Variants in LPAR5 observed in about 807,000 individuals in gnomAD.
The protein encoded by LPAR5 is G protein-coupled receptor 92.
For missense variants in LPAR5, 544 were observed against 521.8 expected (o/e 1.04, Z -0.41); for synonymous variants, 271 against 261.6 (o/e 1.04, Z -0.35).
chr12:6,621,133 AG>A lies in LPAR5; in HGVS notation c.115del (p.Leu39SerfsTer4), dbSNP rs1204555645. 4 of 1,600,866 alleles carry A rather than the reference AG, an allele frequency of 2.5e-6. No individual in the cohort carries two copies. In the East Asian group the frequency reaches 9.0e-5, roughly 36 times the overall value. Reference protein sequence around the residue: ...YSLVLAAGLPLNALALWVFLR... With the variant: ...YSLVLAAGLPXNALALWVFLR... ...GAAGACCCAGAGGGCTAGCGCGTTG[AG>A]GGGGAGCCCGGCAGCCAGCACCAAG... On this transcript the variant is annotated frameshift_variant, in exon 2 of 2. Coordinates refer to ENST00000329858, the MANE Select transcript of LPAR5 (RefSeq NM_020400.6). LOFTEE classifies it low-confidence loss of function (END_TRUNC).
chr12:6,625,589 G>C (rs1013248053), intron 1 of LPAR5, among the ~76,000 whole-genome samples: 2 of 151,330 alleles, frequency 1.3e-5, no homozygotes, highest in East Asian at 2.0e-4. Flanking sequence ...TGAGCGTGGT[G>C]GTGGGCGCCT....
At chr12:6,626,391 G>C (rs1948940208) in intron 1 of LPAR5, among the ~76,000 whole-genome samples, 1 of 152,184 alleles carries the variant, frequency 6.6e-6, no homozygotes, top group Non-Finnish European at 1.5e-5. Flanking sequence ...AGGATTACAG[G>C]CATGAGCCAC....
intron 1 of LPAR5, among the ~76,000 whole-genome samples, chr12:6,626,925 C>T (rs371895641): frequency 3.8e-4 from 58 of 152,218 alleles, no homozygotes; most frequent in African/African-American, 1.4e-3. Flanking sequence ...AGACTGTGAA[C>T]TCTTAGAGGG....
At chr12:6,632,317 T>C (rs1367816808) in intron 1 of LPAR5, among the ~76,000 whole-genome samples, 1 of 152,100 alleles carries the variant, frequency 6.6e-6, no homozygotes, top group Non-Finnish European at 1.5e-5. Context: ...CTGACTCCAA[T>C]TCCTAGGGTC....
rs1228250760 is a variant in LPAR5, at chr12:6,620,954, C to T, written c.295G>A (p.Ala99Thr). The change falls in exon 2 of 2, where the codon GCC becomes ACC. Residue 99 changes from alanine (A) to threonine (T), a missense_variant. Transcript: ENST00000329858. The surrounding 1 kb of genome is among the most constrained non-coding windows in gnomAD (Gnocchi z 6.8). ...FPDLLCQTTG[A>T]IFQMNMYGSC... ...CCGTACATGTTCATCTGGAAGATGG[C>T]GCCCGTCGTCTGGCACAGGAGGTCG... The T allele has an allele frequency of 2.5e-6, 4 of 1,612,048 alleles. No individual in the cohort carries two copies. The highest frequency in any genetic ancestry group is 4.5e-5 in the East Asian group (2 of 44,780).
chr12:6,627,201 T>C (rs576790725), intron 1 of LPAR5, among the ~76,000 whole-genome samples: 1 of 152,300 alleles, frequency 6.6e-6, no homozygotes, highest in East Asian at 1.9e-4. Flanking sequence ...TATGCCTCCT[T>C]GAATCACTTG....
chr12:6,626,319 T>G (rs78324597), intron 1 of LPAR5, among the ~76,000 whole-genome samples: 4,110 of 152,272 alleles, frequency 0.027, 93 homozygotes, highest in Middle Eastern at 0.058. Context: ...CTGACTGTGT[T>G]GCCCAGGCTG....
At chr12:6,629,851 C>G (rs1206785067) in intron 1 of LPAR5, among the ~76,000 whole-genome samples, 2 of 150,788 alleles carry the variant, frequency 1.3e-5, no homozygotes, top group Admixed American at 1.3e-4. Flanking sequence ...TAGTGAAAAC[C>G]CCATCTCTAC....
chr12:6,619,968 TG>T lies in LPAR5; in HGVS notation c.*161del. On this transcript the variant is annotated 3_prime_UTR_variant, in exon 2 of 2. Transcript: ENST00000329858. ...CCATTTCCAGCAGCACTGCCTTCCC[TG>T]GGCCCTGGCTTCCACACTTTGTACT... The T allele has an allele frequency of 1.0e-6, 1 of 980,720 alleles. No individual in the cohort carries two copies. The allele number at this position is 980,720 out of a possible 1,614,324, so 60.8% of individuals were successfully genotyped here.
Sources: gnomAD v4.1 joint callset for allele counts (sites outside exome capture counted in the v4.1 genomes callset) on GRCh38, gnomAD v4.1.1 for gene constraint, Gnocchi (gnomAD v3.1) non-coding constraint, MANE v1.5 for transcripts, NCBI Gene and HGNC (gene_info 2026-07-23, HGNC 2026-07-21) for gene names.